BTAF1: variants seen among roughly 807,000 people sequenced by gnomAD.
BTAF1 encodes TATA-binding protein-associated factor 172.
BTAF1 carries 38 observed loss-of-function variants against 227.1 expected under a neutral mutation model. The ratio of observed to expected loss-of-function variants is 0.17; its 90% confidence interval spans 0.13 to 0.22. The LOEUF (loss-of-function observed/expected upper bound fraction) is 0.22. Among genes scored for constraint, BTAF1 ranks in the 10% least tolerant of loss-of-function variants. The probability of loss-of-function intolerance (pLI) is 1.00; values close to 1 mark genes in which losing one functional copy is unlikely to be tolerated. For synonymous variants in BTAF1, 742 were observed against 751.9 expected (o/e 0.99, Z 0.21); for missense variants, 1,598 against 2,204.0 (o/e 0.73, Z 5.51).
Position 91,992,321 on chromosome 10 carries a change from T to C in BTAF1, c.3045+12T>C. 1.9e-6 allele frequency: 3 copies of C among 1,546,992 alleles called. No individual in the cohort carries two copies. Among genetic ancestry groups the C allele is most frequent in the Non-Finnish European group, 2.6e-6 (3 of 1,148,104 alleles). On this transcript the variant is annotated intron_variant, in intron 21 of 37. Coordinates refer to ENST00000265990, the MANE Select transcript of BTAF1 (RefSeq NM_003972.3). ...TTGAACTTGATGAGGTAAGTAGTTT[T>C]TTTTTTTTTTTAATGCTTTGATTTT...
At chr10:91,971,634 A>G (rs2676823) in intron 14 of BTAF1, among the ~76,000 whole-genome samples, 89,975 of 151,656 alleles carry the variant, frequency 0.59, 30,391 homozygotes, top group East Asian at 0.77. Flanking sequence ...ACCACGCCTG[A>G]CTAATTTTTG....
chr10:91,953,654 A>G lies in BTAF1; in HGVS notation c.565-83A>G, dbSNP rs1194545404. On this transcript the variant is annotated intron_variant, in intron 5 of 37. Transcript: ENST00000265990. ...GATGTATATATACTGAAATTTATAGACTTGGTCTTCTTCTGAGGCTGAGAC... is the reference window on the plus strand; with the variant it reads ...GATGTATATATACTGAAATTTATAGGCTTGGTCTTCTTCTGAGGCTGAGAC... 3.4e-6 allele frequency: 5 copies of G among 1,457,454 alleles called. No individual in the cohort carries two copies. In the East Asian group the frequency reaches 1.1e-4, roughly 33 times the overall value. The allele number at this position is 1,457,454 out of a possible 1,614,324, so 90.3% of individuals were successfully genotyped here. A position where few individuals can be genotyped will look rare whatever the true frequency, so the allele number is the denominator to read the frequency against.
chr10:92,000,878 T>G (rs1376859556), intron 25 of BTAF1, among the ~76,000 whole-genome samples: 1 of 152,122 alleles, frequency 6.6e-6, no homozygotes, highest in Non-Finnish European at 1.5e-5. Context: ...ATAACAGTAC[T>G]TGATAACAGA....
Position 91,989,311 on chromosome 10 carries a change from G to C in BTAF1, c.2585G>C (p.Cys862Ser), listed in dbSNP as rs764807207. 34 of 1,614,150 alleles carry C rather than the reference G, an allele frequency of 2.1e-5. No individual in the cohort carries two copies. The South Asian group carries it at 3.6e-4, about 17-fold the overall frequency. ...LQLRVHTFAA[C>S]AVVSLQQLPE... ...TTGAGAGTGCATACTTTTGCTGCCT[G>C]TGCAGTTGTGAGCTTGCAGCAGCTT... The change falls in exon 20 of 38, where the codon TGT becomes TCT. Residue 862 changes from cysteine (C) to serine (S), a missense_variant. By Grantham distance (112) the Cys-to-Ser change is moderately radical (BLOSUM62 -1). This residue lies in a region of BTAF1 where 425 missense variants were observed against 491.2 expected (regional missense o/e 0.87). Transcript: ENST00000265990.
intron 2 of BTAF1, among the ~76,000 whole-genome samples, chr10:91,937,272 C>T (rs1279972638): frequency 6.6e-6 from 1 of 152,024 alleles, no homozygotes; most frequent in Middle Eastern, 3.2e-3. Flanking sequence ...GGATTGCAGG[C>T]GTGAACCACC....
intron 2 of BTAF1, 75 bp from the exon 3 acceptor site, chr10:91,939,877 T>G: frequency 1.1e-6 from 1 of 892,852 alleles, no homozygotes; most frequent in East Asian, 2.7e-5. Flanking sequence ...ACAAGTAAAT[T>G]TGTATTTCTC....
intron 1 of BTAF1, among the ~76,000 whole-genome samples, chr10:91,930,457 G>T (rs1375614419): frequency 6.6e-6 from 1 of 152,112 alleles, no homozygotes; most frequent in Admixed American, 6.5e-5. Context: ...AGGGTAGAGT[G>T]GGGTAACTTA....
intron 34 of BTAF1, among the ~76,000 whole-genome samples, chr10:92,021,007 C>T (rs1024810857): frequency 3.3e-5 from 5 of 152,058 alleles, no homozygotes. Flanking sequence ...TTCTGGCTGT[C>T]CTCACGGAAG....
chr10:91,990,730 T>TC (rs1277838815), intron 20 of BTAF1, among the ~76,000 whole-genome samples: 1 of 151,344 alleles, frequency 6.6e-6, no homozygotes, highest in African/African-American at 2.4e-5. Context: ...GAGGCGGAGG[T>TC]TGCGGTGAGC....
chr10:92,012,810 A>AG (rs1182295266), intron 30 of BTAF1, among the ~76,000 whole-genome samples: 1 of 151,876 alleles, frequency 6.6e-6, no homozygotes, highest in East Asian at 1.9e-4. Context: ...TATAATTAAA[A>AG]GGGAAAAAAG....
chr10:91,976,048 C>T (rs1220820340), intron 14 of BTAF1, among the ~76,000 whole-genome samples: 4 of 152,226 alleles, frequency 2.6e-5, no homozygotes, highest in Admixed American at 1.3e-4. Context: ...TTGGACCTTC[C>T]GTACTTCTGA....
chr10:92,007,815 G>C (rs1208697570), intron 25 of BTAF1, among the ~76,000 whole-genome samples: 1 of 152,248 alleles, frequency 6.6e-6, no homozygotes, highest in Non-Finnish European at 1.5e-5. Context: ...CACTAAAATT[G>C]AGAAGTGCCA....
At chr10:91,980,612 A>G in intron 15 of BTAF1, 54 bp downstream of exon 15, 7 of 1,416,350 alleles carry the variant, frequency 4.9e-6, no homozygotes, top group Non-Finnish European at 6.9e-6. Context: ...GTAGATTTTT[A>G]AAATTTTTCA....
At position 91,942,298 on chromosome 10, in the gene BTAF1, TTGTGTGTGTGTG is replaced by T. The variant is rs58443276; in HGVS notation, c.254-102_254-91del. 93,951 of 546,326 alleles carry T rather than the reference TTGTGTGTGTGTG, an allele frequency of 0.17. 5,176 individuals are homozygous for T. The highest frequency in any genetic ancestry group is 0.23 in the Middle Eastern group (453 of 2,002). The allele number at this position is 546,326 out of a possible 1,614,324, so 33.8% of individuals were successfully genotyped here. ...GACCTCACTTCTTAAAAAAAAAAGTTTGTGTGTGTGTGTGTGTGTGTGTGTGTGTGTGTAACC... is the reference window on the plus strand; with the variant it reads ...GACCTCACTTCTTAAAAAAAAAAGTTTGTGTGTGTGTGTGTGTGTGTAACC... On this transcript the variant is annotated intron_variant, in intron 3 of 37. Transcript: ENST00000265990.
At chr10:92,013,215 G>C (rs1232820954) in intron 30 of BTAF1, among the ~76,000 whole-genome samples, 1 of 152,206 alleles carries the variant, frequency 6.6e-6, no homozygotes, top group Non-Finnish European at 1.5e-5. Context: ...GAATTGGAAA[G>C]AATCTGTGTC....
chr10:91,990,237 A>C (rs1848645801), intron 20 of BTAF1, among the ~76,000 whole-genome samples: 1 of 152,242 alleles, frequency 6.6e-6, no homozygotes. Flanking sequence ...GTAGACTTAC[A>C]GCTTTGGTGC....
chr10:91,974,957 ATTTG>A lies in BTAF1; in HGVS notation c.1651-5491_1651-5488del, dbSNP rs991938256. On this transcript the variant is annotated intron_variant, in intron 14 of 37. Coordinates refer to ENST00000265990, the MANE Select transcript of BTAF1 (RefSeq NM_003972.3). The stretch of plus-strand genomic sequence containing the variant: ...GGTAATCAAAGTGAAGGAATTTACC[ATTTG>A]TTTGTCCTTTCTATATTGTCTCTTT... Among the ~76,000 whole-genome samples the A allele has an allele frequency of 4.6e-5, 7 of 152,198 alleles. No homozygotes were observed. The South Asian group carries it at 6.2e-4, about 14-fold the overall frequency.
rs747942687 is a variant in BTAF1, at chr10:91,997,711, C to T, written c.3620C>T (p.Thr1207Met). ...ACAGACAGTGTGAGATTCATGGCCACGCAGTGCTTTGCAACGCTAATTAGA... is the reference window on the plus strand; with the variant it reads ...ACAGACAGTGTGAGATTCATGGCCATGCAGTGCTTTGCAACGCTAATTAGA... ...DQTDSVRFMA[T>M]QCFATLIRLM... is the part of the protein sequence containing the mutation. The change falls in exon 25 of 38, where the codon ACG (threonine) becomes ATG (methionine). Residue 1207 changes from threonine (T) to methionine (M), a missense_variant. Physicochemically the swap from Thr to Met is moderately conservative, Grantham distance 81 (BLOSUM62 -1). Around this residue, in one of 10 missense-constraint regions of BTAF1, gnomAD observed 425 missense variants for 491.2 expected, o/e 0.87. Coordinates refer to ENST00000265990, the MANE Select transcript of BTAF1 (RefSeq NM_003972.3). The T allele has an allele frequency of 6.2e-6, 10 of 1,613,866 alleles. No individual in the cohort carries two copies. Among genetic ancestry groups the T allele is most frequent in the East Asian group, 2.2e-5 (1 of 44,888 alleles).
chr10:92,030,136 CCATACA>C lies in BTAF1; in HGVS notation c.*1208_*1213del, dbSNP rs1369392752. The C allele has an allele frequency of 2.6e-5, 4 of 152,460 alleles. No homozygotes were observed. The highest frequency in any genetic ancestry group is 7.2e-5 in the African/African-American group (3 of 41,424). 9.4% of individuals were successfully genotyped at this position (152,460 alleles called of 1,614,324 possible). On this transcript the variant is annotated 3_prime_UTR_variant, in exon 38 of 38. Coordinates refer to ENST00000265990, the MANE Select transcript of BTAF1 (RefSeq NM_003972.3). ...AAACATCCCCAAGGTTTGTGGCTGG[CCATACA>C]CATAGGCATCAGTTTAACAACCATC...
Sources: allele counts gnomAD v4.1 joint callset (sites outside exome capture counted in the v4.1 genomes callset), GRCh38; gene constraint gnomAD v4.1.1; regional missense constraint gnomAD v4.1.1; transcripts MANE v1.5; gene names NCBI Gene and HGNC (gene_info 2026-07-23, HGNC 2026-07-21).